The following CFAP299 variants were observed in gnomAD, a reference collection of about 807,000 sequenced individuals.
CFAP299 encodes the protein cilia- and flagella-associated protein 299.
A neutral mutation model predicts 27.0 loss-of-function variants in CFAP299; 21 were observed. That is an observed-to-expected ratio of 0.78 (90% CI 0.55 to 1.12). CFAP299 has a LOEUF of 1.12. CFAP299 is among the 50% of genes most tolerant of loss of function. The pLI, the probability that CFAP299 is intolerant of heterozygous loss-of-function variation, is 0.00. For missense variants in CFAP299, 310 were observed against 276.6 expected (o/e 1.12, Z -0.86); for synonymous variants, 104 against 98.1 (o/e 1.06, Z -0.36).
At position 80,899,848 on chromosome 4, in the gene CFAP299, T is replaced by A. The variant is rs148229047; in HGVS notation, c.476+29713T>A. On this transcript the variant is annotated intron_variant, in intron 4 of 5. Transcript: ENST00000358105. Reference sequence around the variant, plus strand: ...TAAAATGGAGTTAATAATACCTGCCTCAAAGGGTTGTTGTGAGAACAGAAT... The same window carrying A: ...TAAAATGGAGTTAATAATACCTGCCACAAAGGGTTGTTGTGAGAACAGAAT... Among the ~76,000 whole-genome samples the A allele has an allele frequency of 4.0e-3, 613 of 152,292 alleles. 2 individuals carry two copies. Among genetic ancestry groups the A allele is most frequent in the African/African-American group, 0.014 (593 of 41,552 alleles).
intron 3 of CFAP299, among the ~76,000 whole-genome samples, chr4:80,782,138 T>G (rs575961808): frequency 9.9e-5 from 15 of 152,222 alleles, no homozygotes; most frequent in Middle Eastern, 3.4e-3. Context: ...TCTTTTTTTT[T>G]GGCTGTGTGA....
chr4:80,877,288 T>C (rs1440731891), intron 4 of CFAP299, among the ~76,000 whole-genome samples: 1 of 152,170 alleles, frequency 6.6e-6, no homozygotes, highest in Non-Finnish European at 1.5e-5. Flanking sequence ...TATTCCAAGC[T>C]AAATATTAAG....
intron 3 of CFAP299, among the ~76,000 whole-genome samples, chr4:80,640,575 A>G (rs1739675139): frequency 6.6e-6 from 1 of 152,198 alleles, no homozygotes; most frequent in African/African-American, 2.4e-5. Flanking sequence ...TTTTCTCCAT[A>G]TAATGCTGAG....
chr4:80,777,716 A>G (rs1474074750), intron 3 of CFAP299, among the ~76,000 whole-genome samples: 1 of 152,122 alleles, frequency 6.6e-6, no homozygotes, highest in African/African-American at 2.4e-5. Context: ...TTATAAGACA[A>G]TTGGGAAATT....
chr4:80,355,746 CTGTT>C (rs1011415917), intron 1 of CFAP299, among the ~76,000 whole-genome samples: 5 of 152,104 alleles, frequency 3.3e-5, no homozygotes, highest in African/African-American at 1.2e-4. Flanking sequence ...CTTAGGCTGT[CTGTT>C]CACTCTGATG....
At chr4:80,736,571 A>G (rs1318273984) in intron 3 of CFAP299, among the ~76,000 whole-genome samples, 7 of 152,194 alleles carry the variant, frequency 4.6e-5, no homozygotes, top group African/African-American at 1.4e-4. Context: ...AATGCTCACC[A>G]TCACTGGCCA....
intron 2 of CFAP299, among the ~76,000 whole-genome samples, chr4:80,376,585 G>A (rs1404949603): frequency 6.6e-6 from 1 of 152,172 alleles, no homozygotes; most frequent in Non-Finnish European, 1.5e-5. Context: ...GGTATTGACA[G>A]TTAAAAAAAT....
chr4:80,799,244 A>G (rs1366647880), intron 3 of CFAP299, among the ~76,000 whole-genome samples: 1 of 114,982 alleles, frequency 8.7e-6, no homozygotes, highest in Non-Finnish European at 1.6e-5. Flanking sequence ...ATATTTATAT[A>G]TATTGTATAA....
chr4:80,321,527 C>T, the CFAP299 span, among the ~76,000 whole-genome samples: 5 of 152,210 alleles, frequency 3.3e-5, no homozygotes, highest in South Asian at 4.2e-4. Flanking sequence ...CGCCCACCAC[C>T]GCCACTGCCC....
intron 2 of CFAP299, among the ~76,000 whole-genome samples, chr4:80,526,662 G>C (rs1399152286): frequency 2.6e-5 from 4 of 151,906 alleles, no homozygotes; most frequent in African/African-American, 4.8e-5. Flanking sequence ...TTGTTACTGT[G>C]TTATTTCAGT....
At chr4:80,867,348 G>A (rs1231713278) in intron 3 of CFAP299, among the ~76,000 whole-genome samples, 1 of 151,948 alleles carries the variant, frequency 6.6e-6, no homozygotes, top group Non-Finnish European at 1.5e-5. Context: ...ACCTTTAAGT[G>A]TTATTGTGTT....
At chr4:80,529,505 A>C (rs1334841512) in intron 2 of CFAP299, among the ~76,000 whole-genome samples, 1 of 152,144 alleles carries the variant, frequency 6.6e-6, no homozygotes, top group Non-Finnish European at 1.5e-5. Flanking sequence ...AGTTTAGCTC[A>C]TTTATGGTAA....
intron 2 of CFAP299, among the ~76,000 whole-genome samples, chr4:80,456,653 G>T (rs886514091): frequency 1.1e-4 from 17 of 152,172 alleles, no homozygotes; most frequent in Admixed American, 5.2e-4. Flanking sequence ...TCTGGAGTTT[G>T]TATTTTAGAT....
intron 3 of CFAP299, among the ~76,000 whole-genome samples, chr4:80,619,357 C>T (rs1577940236): frequency 1.3e-5 from 2 of 152,220 alleles, no homozygotes; most frequent in South Asian, 4.1e-4. Context: ...ATTCTATTTC[C>T]TTCTTATGCT....
At chr4:80,523,821 A>C (rs1733040081) in intron 2 of CFAP299, among the ~76,000 whole-genome samples, 1 of 152,064 alleles carries the variant, frequency 6.6e-6, no homozygotes, top group Non-Finnish European at 1.5e-5. Flanking sequence ...CCTCATAATA[A>C]AATTTTTTCT....
chr4:80,871,548 G>A, intron 4 of CFAP299: 1 of 985,380 alleles, frequency 1.0e-6, no homozygotes, highest in Non-Finnish European at 1.2e-6. Context: ...TATTGCTTCT[G>A]TGTCACCTGT....
At chr4:80,427,736 T>C (rs144767327) in intron 2 of CFAP299, among the ~76,000 whole-genome samples, 38 of 152,318 alleles carry the variant, frequency 2.5e-4, no homozygotes, top group African/African-American at 8.7e-4. Context: ...AACTTAAGTG[T>C]TGAAACAAGA....
intron 2 of CFAP299, among the ~76,000 whole-genome samples, chr4:80,509,443 T>A (rs1198514813): frequency 6.6e-6 from 1 of 152,174 alleles, no homozygotes; most frequent in Non-Finnish European, 1.5e-5. Context: ...AATACCAGAA[T>A]CTTTTGTTAT....
intron 2 of CFAP299, among the ~76,000 whole-genome samples, chr4:80,398,103 T>C (rs533803871): frequency 1.2e-3 from 190 of 152,180 alleles, no homozygotes; most frequent in African/African-American, 4.3e-3. Flanking sequence ...TCAAAGAGAA[T>C]AAAATACCTA....
Sources: allele counts gnomAD v4.1 joint callset (sites outside exome capture counted in the v4.1 genomes callset), GRCh38; gene constraint gnomAD v4.1.1; transcripts MANE v1.5; gene names NCBI Gene and HGNC (gene_info 2026-07-23, HGNC 2026-07-21).